FAM120C: variants seen among roughly 807,000 people sequenced by gnomAD.
The protein encoded by FAM120C is constitutive coactivator of PPAR-gamma-like protein 2.
FAM120C carries 14 observed loss-of-function variants against 71.2 expected under a neutral mutation model. The observed-to-expected ratio is 0.20, with a 90% CI of 0.13 to 0.31. The LOEUF is 0.31. Among genes scored for constraint, FAM120C ranks in the 10% least tolerant of loss-of-function variants. The pLI, the probability that FAM120C is intolerant of heterozygous loss-of-function variation, is 1.00. For missense variants in FAM120C, 500 were observed against 879.0 expected (o/e 0.57, Z 5.45); for synonymous variants, 354 against 353.2 (o/e 1.00, Z -0.03).
In FAM120C at chrX:54,144,138, A is replaced by G. The variant is rs1344073299; in HGVS notation, c.1158+7107T>C. Among the ~76,000 whole-genome samples the G allele has an allele frequency of 3.6e-5, 4 of 111,798 alleles. No individual in the cohort carries two copies. In the East Asian group the frequency reaches 1.1e-3, roughly 31 times the overall value. On this transcript the variant is annotated intron_variant, in intron 4 of 15. Transcript: ENST00000375180. ...GCCCTTCATGCTAAAAACTCTCAAT[A>G]AGCTAGGTATTCATGGGACGTTATC...
chrX:54,137,078 G>A (rs1173784089), intron 4 of FAM120C, among the ~76,000 whole-genome samples: 2 of 109,733 alleles, frequency 1.8e-5, no homozygotes, highest in African/African-American at 3.3e-5. Flanking sequence ...TCAGCCTCCC[G>A]AGTAGCTGGG....
intron 1 of FAM120C, among the ~76,000 whole-genome samples, chrX:54,179,763 G>A (rs1557137092): frequency 9.0e-6 from 1 of 111,594 alleles, no homozygotes; most frequent in African/African-American, 3.3e-5. Flanking sequence ...AAAAAACAAT[G>A]TACCCTGCAC....
intron 9 of FAM120C, among the ~76,000 whole-genome samples, chrX:54,130,412 G>C (rs1265559411): frequency 1.8e-5 from 2 of 111,508 alleles, no homozygotes; most frequent in African/African-American, 6.5e-5. Context: ...CTCTGTGTTC[G>C]TTTTGTTTTC....
chrX:54,156,573 C>T (rs1311712170), intron 3 of FAM120C, among the ~76,000 whole-genome samples: 2 of 108,295 alleles, frequency 1.8e-5, no homozygotes, highest in Non-Finnish European at 3.8e-5. Flanking sequence ...AATATTTGTT[C>T]AACTGTTAAG....
At chrX:54,127,366 C>T (rs997088438) in intron 9 of FAM120C, among the ~76,000 whole-genome samples, 2 of 108,614 alleles carry the variant, frequency 1.8e-5, no homozygotes, top group African/African-American at 3.3e-5. Flanking sequence ...CCGAGGCGGG[C>T]GGATCACGAG....
intron 1 of FAM120C, among the ~76,000 whole-genome samples, chrX:54,164,621 A>G (rs782025787): frequency 8.9e-5 from 10 of 112,213 alleles, no homozygotes; most frequent in Non-Finnish European, 1.9e-4. Flanking sequence ...ATAATATTCC[A>G]TTGTATGCTA....
chrX:54,159,850 G>A (rs1446298305), intron 1 of FAM120C, among the ~76,000 whole-genome samples: 2 of 100,940 alleles, frequency 2.0e-5, no homozygotes, highest in African/African-American at 3.7e-5. Flanking sequence ...TGATCCTCCC[G>A]CCTTGGCCTC....
chrX:54,110,804 A>C (rs2066932726), intron 10 of FAM120C, among the ~76,000 whole-genome samples: 1 of 110,757 alleles, frequency 9.0e-6, no homozygotes, highest in African/African-American at 3.3e-5. Flanking sequence ...TCATGCCTGT[A>C]GCCGCAGCAC....
At chrX:54,107,724 T>C (rs938004836) in intron 10 of FAM120C, among the ~76,000 whole-genome samples, 59 of 102,497 alleles carry the variant, frequency 5.8e-4, no homozygotes, top group African/African-American at 1.9e-3. Flanking sequence ...TTTCACCATG[T>C]TGGCCAGGCT....
At chrX:54,150,575 G>A (rs1557132878) in intron 4 of FAM120C, among the ~76,000 whole-genome samples, 1 of 111,496 alleles carries the variant, frequency 9.0e-6, no homozygotes, top group East Asian at 2.8e-4. Context: ...TCCTGCCTTG[G>A]CCTCCCAAAG....
chrX:54,164,472 A>T lies in FAM120C; in HGVS notation c.700-4856T>A, dbSNP rs188789988. Among the ~76,000 whole-genome samples the T allele has an allele frequency of 8.1e-5, 9 of 111,795 alleles. No individual in the cohort carries two copies. In the Admixed American group the frequency reaches 8.6e-4, roughly 11 times the overall value. The stretch of plus-strand genomic sequence containing the variant: ...TCTATTTTCTGTCTCTATGAATTTG[A>T]CTACTTTAGGTACCTCATATAAGCG... On this transcript the variant is annotated intron_variant, in intron 1 of 15. Transcript: ENST00000375180.
intron 10 of FAM120C, among the ~76,000 whole-genome samples, chrX:54,096,381 A>C (rs949573604): frequency 8.1e-5 from 9 of 111,742 alleles, no homozygotes; most frequent in Middle Eastern, 4.6e-3. Context: ...ACTGCACTCC[A>C]GACTGGGCCA....
intron 10 of FAM120C, among the ~76,000 whole-genome samples, chrX:54,112,384 T>A (rs1354737549): frequency 1.8e-5 from 2 of 108,731 alleles, no homozygotes. Context: ...GCCACTGCAC[T>A]CCAGCCTAGG....
chrX:54,118,705 T>C (rs1470769204), intron 9 of FAM120C, among the ~76,000 whole-genome samples: 7 of 86,937 alleles, frequency 8.1e-5, no homozygotes, highest in African/African-American at 1.3e-4. Flanking sequence ...TTTTCTTTTT[T>C]TTTTTTTTTT....
At chrX:54,122,924 A>C (rs1265236613) in intron 9 of FAM120C, among the ~76,000 whole-genome samples, 1 of 19,094 alleles carries the variant, frequency 5.2e-5, no homozygotes, top group Non-Finnish European at 8.1e-5. Context: ...GTGGTGACAA[A>C]ATCTCTCAGC....
intron 10 of FAM120C, among the ~76,000 whole-genome samples, chrX:54,104,573 C>T (rs1280894440): frequency 8.1e-5 from 9 of 111,289 alleles, no homozygotes; most frequent in Non-Finnish European, 1.5e-4. Context: ...TTTGAGAGGC[C>T]GAGGCGGGCA....
At chrX:54,109,879 C>G (rs2066926810) in intron 10 of FAM120C, among the ~76,000 whole-genome samples, 1 of 109,359 alleles carries the variant, frequency 9.1e-6, no homozygotes. Flanking sequence ...TTCAATACAT[C>G]AAGCTGGGAA....
chrX:54,094,130 G>A (rs1372800977), intron 10 of FAM120C, among the ~76,000 whole-genome samples: 2 of 83,726 alleles, frequency 2.4e-5, no homozygotes, highest in African/African-American at 4.7e-5. Context: ...TCGCTCTGTC[G>A]CCCAGGATGG....
At chrX:54,139,658 A>T (rs1371608390) in intron 4 of FAM120C, among the ~76,000 whole-genome samples, 2 of 109,861 alleles carry the variant, frequency 1.8e-5, no homozygotes, top group Non-Finnish European at 3.8e-5. Context: ...TTATTTTTAA[A>T]TTTTTTTATT....
Sources: allele counts gnomAD v4.1 joint callset (sites outside exome capture counted in the v4.1 genomes callset), GRCh38; gene constraint gnomAD v4.1.1; transcripts MANE v1.5; gene names NCBI Gene and HGNC (gene_info 2026-07-23, HGNC 2026-07-21).